The following NTM variants were observed in gnomAD, a reference collection of about 807,000 sequenced individuals.
NTM encodes IgLON family member 2.
NTM carries 13 observed loss-of-function variants against 42.1 expected under a neutral mutation model. That is an observed-to-expected ratio of 0.31 (90% CI 0.20 to 0.49). NTM has a LOEUF of 0.49. Among genes scored for constraint, NTM ranks in the 20% least tolerant of loss-of-function variants. The probability of loss-of-function intolerance (pLI) is 0.99; values close to 1 mark genes in which losing one functional copy is unlikely to be tolerated. For synonymous variants in NTM, 187 were observed against 179.2 expected (o/e 1.04, Z -0.35); for missense variants, 373 against 452.8 (o/e 0.82, Z 1.60).
At chr11:131,801,309 G>T (rs2092087911) in intron 1 of NTM, among the ~76,000 whole-genome samples, 1 of 152,136 alleles carries the variant, frequency 6.6e-6, no homozygotes, top group Admixed American at 6.5e-5. Flanking sequence ...TGTGTGTTGG[G>T]AGTTGCCATA....
At chr11:131,466,861 C>T (rs1272093978) in intron 1 of NTM, among the ~76,000 whole-genome samples, 1 of 152,106 alleles carries the variant, frequency 6.6e-6, no homozygotes, top group Non-Finnish European at 1.5e-5. Flanking sequence ...TGGAAATTTG[C>T]AGACTTATTC....
chr11:132,218,260 A>T (rs2084343326), intron 4 of NTM, among the ~76,000 whole-genome samples: 1 of 152,174 alleles, frequency 6.6e-6, no homozygotes, highest in African/African-American at 2.4e-5. Context: ...ACCACCCAAC[A>T]CCAAAGGACT....
At chr11:132,230,106 G>C (rs985519864) in intron 4 of NTM, among the ~76,000 whole-genome samples, 3 of 152,212 alleles carry the variant, frequency 2.0e-5, no homozygotes, top group Non-Finnish European at 4.4e-5. Context: ...TAGCTGGCCT[G>C]TGAGAAAGTA....
chr11:132,002,368 G>A lies in NTM; in HGVS notation c.167+90720G>A, dbSNP rs1379276092. Among the ~76,000 whole-genome samples, 5 of 152,198 alleles carry A rather than the reference G, an allele frequency of 3.3e-5. No homozygotes were observed. The East Asian group carries it at 9.6e-4, about 29-fold the overall frequency. On this transcript the variant is annotated intron_variant, in intron 2 of 8. Coordinates refer to ENST00000683400, the MANE Select transcript of NTM (RefSeq NM_001352005.2). This position sits in a 1 kb window ranked among gnomAD's most constrained non-coding sequence, Gnocchi z 4.5. ...TATTTTAATAAGAATTCAGAAATGG[G>A]AGTTTTCTAATAAGCAACTGAGTTG...
rs189895719 is a variant in NTM at position 131,464,188 on chromosome 11, G to T, written c.82+93300G>T. On this transcript the variant is annotated intron_variant, in intron 1 of 8. Coordinates refer to ENST00000683400, the MANE Select transcript of NTM (RefSeq NM_001352005.2). ...GCTGGCCCCTTGGTTCTTCATGAAA[G>T]TGTCAGGCAAAGCAAGTCCCTGGAG... Among the ~76,000 whole-genome samples, 398 of 152,206 alleles carry T rather than the reference G, an allele frequency of 2.6e-3. 4 individuals are homozygous for T. Among genetic ancestry groups the T allele is most frequent in the African/African-American group, 9.0e-3 (373 of 41,538 alleles).
chr11:132,175,256 TG>T (rs893306025), intron 3 of NTM, among the ~76,000 whole-genome samples: 3 of 152,162 alleles, frequency 2.0e-5, no homozygotes, highest in Admixed American at 2.0e-4. Flanking sequence ...CTCTCAGTTC[TG>T]CAGTGGTCGT....
intron 1 of NTM, among the ~76,000 whole-genome samples, chr11:131,814,265 T>C (rs373692181): frequency 1.3e-5 from 2 of 152,168 alleles, no homozygotes; most frequent in East Asian, 1.9e-4. Context: ...TGTTTCCCTT[T>C]CTGGCTACTC....
chr11:132,065,857 A>C (rs1190004128), intron 2 of NTM, among the ~76,000 whole-genome samples: 1 of 152,224 alleles, frequency 6.6e-6, no homozygotes, highest in East Asian at 1.9e-4. Flanking sequence ...AAGGTACAGA[A>C]ACTTATCTGT....
At chr11:131,694,153 T>A (rs78048283) in intron 1 of NTM, among the ~76,000 whole-genome samples, 2,078 of 152,284 alleles carry the variant, frequency 0.014, 25 homozygotes, top group Non-Finnish European at 0.022. Flanking sequence ...GCTCACTACA[T>A]CATATAGAGG....
intron 1 of NTM, among the ~76,000 whole-genome samples, chr11:131,396,340 G>T (rs1944550678): frequency 6.6e-6 from 1 of 152,132 alleles, no homozygotes; most frequent in South Asian, 2.1e-4. Context: ...GCCAGGCGTA[G>T]TATCAGTGTC....
In NTM at chr11:132,228,063, G is replaced by A. The variant is rs928600171; in HGVS notation, c.526+15916G>A. ...GATGCCACAGCAGGAATCAAGTTAGGCTTTTGAAGCCACCCCTCTGGCCCA... is the reference window on the plus strand; with the variant it reads ...GATGCCACAGCAGGAATCAAGTTAGACTTTTGAAGCCACCCCTCTGGCCCA... On this transcript the variant is annotated intron_variant, in intron 4 of 8. Coordinates refer to ENST00000683400, the MANE Select transcript of NTM (RefSeq NM_001352005.2). Among the ~76,000 whole-genome samples, 4 of 152,154 alleles carry A rather than the reference G, an allele frequency of 2.6e-5. No homozygotes were observed. In the South Asian group the frequency reaches 6.2e-4, roughly 24 times the overall value.
chr11:132,310,056 C>CA (rs71477755), intron 5 of NTM, 56 bp from the exon 6 acceptor site: 137,609 of 1,293,068 alleles, frequency 0.11, 1,118 homozygotes, highest in East Asian at 0.19. Flanking sequence ...GACTCCATCT[C>CA]AAAAAAAAAA....
chr11:131,716,093 A>G (rs1350642115), intron 1 of NTM, among the ~76,000 whole-genome samples: 2 of 152,222 alleles, frequency 1.3e-5, no homozygotes, highest in Non-Finnish European at 2.9e-5. Context: ...TCAAGACACC[A>G]GCCAATTCAC....
At chr11:131,515,211 G>A (rs182309354) in intron 1 of NTM, among the ~76,000 whole-genome samples, 266 of 152,256 alleles carry the variant, frequency 1.7e-3, no homozygotes, top group Non-Finnish European at 2.7e-3. Flanking sequence ...CACTGCACAC[G>A]GTGAGTGTTA....
intron 1 of NTM, chr11:131,540,447 G>A (rs557573706): frequency 1.2e-4 from 19 of 152,054 alleles, no homozygotes; most frequent in African/African-American, 4.3e-4. Context: ...TTACAGGTGT[G>A]AGCCACCATG....
At chr11:131,694,320 C>T (rs1247070096) in intron 1 of NTM, among the ~76,000 whole-genome samples, 7 of 152,194 alleles carry the variant, frequency 4.6e-5, no homozygotes, top group Non-Finnish European at 8.8e-5. Context: ...AGCTACAGAC[C>T]ATTTTCATTC....
chr11:131,773,618 T>C (rs938730868), intron 1 of NTM, among the ~76,000 whole-genome samples: 3 of 152,230 alleles, frequency 2.0e-5, no homozygotes, highest in African/African-American at 7.2e-5. Flanking sequence ...AAATTATGAA[T>C]GCACACAGCA....
chr11:132,039,326 G>C (rs1374353859), intron 2 of NTM, among the ~76,000 whole-genome samples: 1 of 151,642 alleles, frequency 6.6e-6, no homozygotes, highest in African/African-American at 2.4e-5. Flanking sequence ...CTCCCTGCTT[G>C]CTTGTAAGTT....
intron 1 of NTM, among the ~76,000 whole-genome samples, chr11:131,464,797 A>G (rs1455532412): frequency 6.6e-6 from 1 of 152,168 alleles, no homozygotes; most frequent in African/African-American, 2.4e-5. Context: ...GGGATCTAGG[A>G]GAGCCACAAG....
Sources: allele counts gnomAD v4.1 joint callset (sites outside exome capture counted in the v4.1 genomes callset), GRCh38; gene constraint gnomAD v4.1.1; non-coding constraint Gnocchi (gnomAD v3.1); transcripts MANE v1.5; gene names NCBI Gene and HGNC (gene_info 2026-07-23, HGNC 2026-07-21).